ZMYM2: variants seen among roughly 807,000 people sequenced by gnomAD.
ZMYM2 encodes the protein zinc finger MYM-type containing 2, also known as zinc finger MYM-type protein 2.
A neutral mutation model predicts 162.8 loss-of-function variants in ZMYM2; 56 were observed. The observed-to-expected ratio is 0.34, with a 90% CI of 0.28 to 0.43. The LOEUF (loss-of-function observed/expected upper bound fraction) is 0.43. Ranked by LOEUF, ZMYM2 falls within the 20% of genes least tolerant of loss-of-function variation. ZMYM2 has a pLI of 1.00. For missense variants in ZMYM2, 1,275 were observed against 1,621.8 expected (o/e 0.79, Z 3.67); for synonymous variants, 510 against 541.6 (o/e 0.94, Z 0.81).
At chr13:19,884,814 C>A in the ZMYM2 span, among the ~76,000 whole-genome samples, 1 of 152,092 alleles carries the variant, frequency 6.6e-6, no homozygotes, top group Admixed American at 6.5e-5. Flanking sequence ...ACAAGCCATA[C>A]AACAAACATT....
the ZMYM2 span, among the ~76,000 whole-genome samples, chr13:19,902,711 T>C: frequency 1.3e-5 from 2 of 151,742 alleles, no homozygotes; most frequent in African/African-American, 4.8e-5. Flanking sequence ...TTATGTGTTT[T>C]TTTGCCACAA....
chr13:20,046,619 GTATATATA>G (rs1200652740), intron 12 of ZMYM2, among the ~76,000 whole-genome samples: 1,133 of 58,910 alleles, frequency 0.019, 9 homozygotes, highest in Non-Finnish European at 0.031. Flanking sequence ...ATATATATGT[GTATATATA>G]TGTGTATATA....
At chr13:19,919,472 T>C in the ZMYM2 span, among the ~76,000 whole-genome samples, 1 of 152,176 alleles carries the variant, frequency 6.6e-6, no homozygotes, top group East Asian at 1.9e-4. Context: ...CAGCAATAAA[T>C]GAGAGATCTA....
chr13:20,072,420 C>T (rs746437855), intron 21 of ZMYM2, among the ~76,000 whole-genome samples: 3 of 152,172 alleles, frequency 2.0e-5, no homozygotes, highest in Non-Finnish European at 4.4e-5. Flanking sequence ...ACTTGGGAGG[C>T]TGAGGCTGGA....
Position 19,978,392 on chromosome 13 carries a change from T to A in ZMYM2, c.-10-14671T>A, listed in dbSNP as rs552109657. 1.1e-4 allele frequency among the ~76,000 whole-genome samples: 16 copies of A among 152,242 alleles called. No homozygotes were observed. The South Asian group carries it at 3.3e-3, about 32-fold the overall frequency. ...TACATCTGTATATATTGTGTGCTCA[T>A]TAATATAAATTTAAAATTACTGTTT... On this transcript the variant is annotated intron_variant, in intron 2 of 24. Transcript: ENST00000610343.
the ZMYM2 span, among the ~76,000 whole-genome samples, chr13:19,928,895 T>A: frequency 6.6e-6 from 1 of 152,212 alleles, no homozygotes; most frequent in African/African-American, 2.4e-5. Flanking sequence ...TCCACCCACC[T>A]CGGCCTCCCA....
At chr13:19,956,746 C>T (rs559813481), upstream of ZMYM2, among the ~76,000 whole-genome samples, 21 of 152,294 alleles carry the variant, frequency 1.4e-4, no homozygotes, top group Non-Finnish European at 2.8e-4. Context: ...TATCACAGAG[C>T]TTATTTGGAA....
the ZMYM2 span, among the ~76,000 whole-genome samples, chr13:19,931,979 C>T: frequency 6.6e-6 from 1 of 152,156 alleles, no homozygotes; most frequent in South Asian, 2.1e-4. Flanking sequence ...AAAGGTAGTA[C>T]TTAAAAGTTA....
intron 3 of ZMYM2, among the ~76,000 whole-genome samples, chr13:19,995,571 G>C (rs1364347121): frequency 6.6e-6 from 1 of 152,070 alleles, no homozygotes; most frequent in African/African-American, 2.4e-5. Flanking sequence ...TAGAGACGGG[G>C]TTTCACCATG....
chr13:19,996,552 C>G (rs1043446097), intron 3 of ZMYM2, among the ~76,000 whole-genome samples: 1 of 152,106 alleles, frequency 6.6e-6, no homozygotes, highest in Admixed American at 6.6e-5. Context: ...CATGGTGAAA[C>G]CCCATCTCAA....
intron 12 of ZMYM2, among the ~76,000 whole-genome samples, chr13:20,041,122 C>G (rs1954207666): frequency 6.6e-6 from 1 of 152,094 alleles, no homozygotes; most frequent in Non-Finnish European, 1.5e-5. Flanking sequence ...AGTTCAGGTC[C>G]TGAATATCTT....
chr13:19,950,569 C>T, the ZMYM2 span, among the ~76,000 whole-genome samples: 1 of 152,144 alleles, frequency 6.6e-6, no homozygotes, highest in Non-Finnish European at 1.5e-5. Context: ...TGTTTCTGGG[C>T]CTCATTTCTG....
chr13:20,064,240 T>C (rs1328291003), intron 18 of ZMYM2, among the ~76,000 whole-genome samples: 2 of 152,080 alleles, frequency 1.3e-5, no homozygotes, highest in African/African-American at 4.8e-5. Flanking sequence ...TATGTTGATA[T>C]TCATTTTATA....
intron 2 of ZMYM2, among the ~76,000 whole-genome samples, chr13:19,965,062 T>C (rs1448372514): frequency 6.8e-6 from 1 of 147,430 alleles, no homozygotes; most frequent in Non-Finnish European, 1.5e-5. Context: ...AATGTGCACA[T>C]GTACCCTAAA....
At chr13:19,980,807 A>G (rs918714063) in intron 2 of ZMYM2, among the ~76,000 whole-genome samples, 1 of 150,394 alleles carries the variant, frequency 6.6e-6, no homozygotes, top group Non-Finnish European at 1.5e-5. Flanking sequence ...ATTTTTTCAT[A>G]TAAATTTGAG....
At chr13:19,893,422 T>C in the ZMYM2 span, among the ~76,000 whole-genome samples, 1 of 151,028 alleles carries the variant, frequency 6.6e-6, no homozygotes, top group Non-Finnish European at 1.5e-5. Context: ...TTTATAACTT[T>C]AAATTCTTTT....
intron 21 of ZMYM2, among the ~76,000 whole-genome samples, chr13:20,075,962 C>G (rs1374885276): frequency 2.0e-5 from 3 of 151,886 alleles, no homozygotes; most frequent in African/African-American, 7.3e-5. Flanking sequence ...TCCCAAAGTT[C>G]TAGGATTACA....
the ZMYM2 span, among the ~76,000 whole-genome samples, chr13:19,931,135 T>C: frequency 8.4e-6 from 1 of 118,994 alleles, no homozygotes; most frequent in Admixed American, 7.7e-5. Context: ...CGAGACTCTC[T>C]CTCAAAAAAA....
intron 2 of ZMYM2, among the ~76,000 whole-genome samples, chr13:19,972,966 C>G (rs934459971): frequency 6.7e-6 from 1 of 149,602 alleles, no homozygotes; most frequent in African/African-American, 2.5e-5. Context: ...GATGGAGTCT[C>G]GCTCTTATCA....
Sources: allele counts gnomAD v4.1 joint callset (sites outside exome capture counted in the v4.1 genomes callset), GRCh38; gene constraint gnomAD v4.1.1; transcripts MANE v1.5; gene names NCBI Gene and HGNC (gene_info 2026-07-23, HGNC 2026-07-21).